DRD2: variants seen among roughly 807,000 people sequenced by gnomAD.
The protein encoded by DRD2 is dopamine receptor D2, also known as D(2) dopamine receptor.
In DRD2, 8 loss-of-function variants were observed where a neutral mutation model predicts 38.0. That is an observed-to-expected ratio of 0.21 (90% CI 0.12 to 0.38). DRD2 has a LOEUF of 0.38. Ranked by LOEUF, DRD2 falls within the 10% of genes least tolerant of loss-of-function variation. The probability of loss-of-function intolerance (pLI) is 1.00; values close to 1 mark genes in which losing one functional copy is unlikely to be tolerated. For synonymous variants in DRD2, 230 were observed against 238.6 expected (o/e 0.96, Z 0.33); for missense variants, 403 against 607.7 (o/e 0.66, Z 3.54).
intron 2 of DRD2, among the ~76,000 whole-genome samples, chr11:113,423,356 A>G (rs1950904318): frequency 6.6e-6 from 1 of 151,922 alleles, no homozygotes; most frequent in Non-Finnish European, 1.5e-5. Flanking sequence ...GCTCACTGCA[A>G]CCTCTGCCTC....
intron 7 of DRD2, chr11:113,412,161 C>A: frequency 7.2e-6 from 2 of 279,590 alleles, no homozygotes; most frequent in South Asian, 9.7e-5. Context: ...ATGCTTTCAC[C>A]AACTGATTGC....
intron 1 of DRD2, among the ~76,000 whole-genome samples, chr11:113,425,198 G>A (rs1457503884): frequency 6.6e-6 from 1 of 152,222 alleles, no homozygotes; most frequent in African/African-American, 2.4e-5. Context: ...GGGTGATAGG[G>A]AGTAGGAAAT....
At position 113,417,816 on chromosome 11, in the gene DRD2, C is replaced by T. The variant is rs376697725; in HGVS notation, c.395+211G>A. On this transcript the variant is annotated intron_variant, in intron 3 of 7. Coordinates refer to ENST00000362072, the MANE Select transcript of DRD2 (RefSeq NM_000795.4). The stretch of plus-strand genomic sequence containing the variant: ...TGTCTGAGTATGCTTGGCAGCATCA[C>T]TGTCCATAGATGGCTTCTCTTTAGG... Among the ~76,000 whole-genome samples the T allele has an allele frequency of 8.7e-4, 133 of 152,352 alleles. 5 individuals carry two copies. The South Asian group carries it at 0.027, about 31-fold the overall frequency.
At chr11:113,474,909 C>A (rs1474518822) in intron 1 of DRD2, among the ~76,000 whole-genome samples, 167 bp downstream of exon 1, 1 of 152,130 alleles carries the variant, frequency 6.6e-6, no homozygotes, top group African/African-American at 2.4e-5. Flanking sequence ...CCTCTGCCCC[C>A]GCCCGACGGG....
At chr11:113,454,756 C>A (rs1308688958) in intron 1 of DRD2, among the ~76,000 whole-genome samples, 1 of 152,178 alleles carries the variant, frequency 6.6e-6, no homozygotes, top group Non-Finnish European at 1.5e-5. Flanking sequence ...TATCCACATA[C>A]AATGGGATAT....
intron 1 of DRD2, among the ~76,000 whole-genome samples, chr11:113,451,141 C>T (rs1430941154): frequency 4.6e-5 from 7 of 152,180 alleles, no homozygotes; most frequent in Admixed American, 2.0e-4. Flanking sequence ...CTTGCAGAAT[C>T]GCCACTGCAC....
Position 113,475,187 on chromosome 11 carries a change from T to C in DRD2, c.-143A>G, listed in dbSNP as rs1951470109. On this transcript the variant is annotated 5_prime_UTR_variant, in exon 1 of 8. Coordinates refer to ENST00000362072, the MANE Select transcript of DRD2 (RefSeq NM_000795.4). ...TCCGGCAGCCGTCCGGGGCCGCCACTCTCCTCGGCCGGTCCCTGGCTCCCG... is the reference window on the plus strand; with the variant it reads ...TCCGGCAGCCGTCCGGGGCCGCCACCCTCCTCGGCCGGTCCCTGGCTCCCG... The C allele has an allele frequency of 6.6e-6, 1 of 150,758 alleles. No homozygotes were observed. The highest frequency in any genetic ancestry group is 1.5e-5 in the Non-Finnish European group (1 of 67,538). The allele number at this position is 150,758 out of a possible 1,614,324, so 9.3% of individuals were successfully genotyped here.
At chr11:113,448,076 T>C (rs1427740837) in intron 1 of DRD2, among the ~76,000 whole-genome samples, 1 of 152,088 alleles carries the variant, frequency 6.6e-6, no homozygotes, top group African/African-American at 2.4e-5. Flanking sequence ...CAGCAGAGAA[T>C]GTAGTCAGAG....
chr11:113,414,561 A>G, intron 5 of DRD2, 100 bp from the exon 6 acceptor site: 1 of 1,254,452 alleles, frequency 8.0e-7, no homozygotes, highest in Non-Finnish European at 1.2e-6. Context: ...ACTGGGCAGA[A>G]GGGCTCAGAG....
At chr11:113,419,441 C>T (rs1469345713) in intron 2 of DRD2, among the ~76,000 whole-genome samples, 6 of 71,968 alleles carry the variant, frequency 8.3e-5, no homozygotes, top group Non-Finnish European at 1.5e-4. Flanking sequence ...CACACATGCA[C>T]ACAGGCACAC....
intron 1 of DRD2, among the ~76,000 whole-genome samples, chr11:113,474,615 G>A (rs1295157615): frequency 6.6e-6 from 1 of 152,156 alleles, no homozygotes; most frequent in African/African-American, 2.4e-5. Flanking sequence ...CACCAACACA[G>A]AGTTGCCAAA....
intron 6 of DRD2, chr11:113,413,353 G>A (rs754645064): frequency 5.7e-5 from 30 of 525,084 alleles, no homozygotes; most frequent in Non-Finnish European, 9.8e-5. Context: ...GCGTACACAC[G>A]TGGGCTCCAT....
intron 1 of DRD2, among the ~76,000 whole-genome samples, chr11:113,455,798 A>T (rs1951263577): frequency 6.6e-6 from 1 of 152,250 alleles, no homozygotes; most frequent in Non-Finnish European, 1.5e-5. Flanking sequence ...AAATGGTAAC[A>T]AGGATGTAGA....
intron 1 of DRD2, among the ~76,000 whole-genome samples, chr11:113,440,099 G>A (rs920342278): frequency 2.0e-5 from 3 of 152,042 alleles, no homozygotes; most frequent in African/African-American, 7.3e-5. Flanking sequence ...GAGTAATTCT[G>A]GAGCCTCCAT....
At chr11:113,430,176 A>G (rs1565666787) in intron 1 of DRD2, among the ~76,000 whole-genome samples, 1 of 152,190 alleles carries the variant, frequency 6.6e-6, no homozygotes, top group Non-Finnish European at 1.5e-5. Context: ...AAGTAAAGGA[A>G]GGAAAAGACA....
chr11:113,428,086 T>A (rs959073496), intron 1 of DRD2, among the ~76,000 whole-genome samples: 1 of 152,072 alleles, frequency 6.6e-6, no homozygotes, highest in Admixed American at 6.5e-5. Flanking sequence ...TCCAGAACTA[T>A]GAGGAAACAG....
intron 1 of DRD2, among the ~76,000 whole-genome samples, chr11:113,440,171 G>A (rs1376767487): frequency 1.3e-5 from 2 of 152,150 alleles, no homozygotes; most frequent in Non-Finnish European, 2.9e-5. Flanking sequence ...GCCTCGCCCA[G>A]ATACCTATCC....
At chr11:113,413,908 A>C in intron 6 of DRD2, 1 of 265,014 alleles carries the variant, frequency 3.8e-6, no homozygotes, top group Non-Finnish European at 7.4e-6. Flanking sequence ...AGCTCATGTC[A>C]GTGGAAAGAA....
rs895269521 is a variant in DRD2, at chr11:113,417,941, C to T, written c.395+86G>A. ...AGCCAGCTGCACAGCATCACAGACA[C>T]GAGACACAGCCTGGCTTTGAGAAAA... On this transcript the variant is annotated intron_variant, in intron 3 of 7. Transcript: ENST00000362072. 2.3e-4 allele frequency: 251 copies of T among 1,087,012 alleles called. 1 individual carries two copies. The African/African-American group carries it at 2.9e-3, about 13-fold the overall frequency. 67.3% of individuals were successfully genotyped at this position (1,087,012 alleles called of 1,614,324 possible).
Sources: allele counts gnomAD v4.1 joint callset (sites outside exome capture counted in the v4.1 genomes callset), GRCh38; gene constraint gnomAD v4.1.1; transcripts MANE v1.5; gene names NCBI Gene and HGNC (gene_info 2026-07-23, HGNC 2026-07-21).